Variants in GALNTL6 observed in about 807,000 individuals in gnomAD.
GALNTL6 encodes the protein polypeptide N-acetylgalactosaminyltransferase-like 6.
A neutral mutation model predicts 73.7 loss-of-function variants in GALNTL6; 46 were observed. That is an observed-to-expected ratio of 0.62 (90% CI 0.49 to 0.80). The LOEUF is 0.80. Among genes scored for constraint, GALNTL6 ranks in the 30% least tolerant of loss-of-function variants. GALNTL6 has a pLI of 0.00. For synonymous variants in GALNTL6, 259 were observed against 263.7 expected (o/e 0.98, Z 0.17); for missense variants, 604 against 755.0 (o/e 0.80, Z 2.34).
At chr4:172,523,368 C>CTATT (rs1164823751) in intron 5 of GALNTL6, among the ~76,000 whole-genome samples, 25 of 151,984 alleles carry the variant, frequency 1.6e-4, no homozygotes, top group Non-Finnish European at 2.9e-4. Flanking sequence ...CTTTATTTAT[C>CTATT]TATTTATTTA....
chr4:172,941,075 G>A (rs1291690889), intron 9 of GALNTL6, among the ~76,000 whole-genome samples: 1 of 152,094 alleles, frequency 6.6e-6, no homozygotes, highest in Non-Finnish European at 1.5e-5. Context: ...CAACATTAAG[G>A]AATTTTGCTT....
chr4:172,005,129 A>AT (rs869086866), intron 2 of GALNTL6, among the ~76,000 whole-genome samples: 18 of 143,928 alleles, frequency 1.3e-4, no homozygotes, highest in African/African-American at 2.5e-4. Context: ...ATTTTATTTT[A>AT]TTTATTTATT....
intron 2 of GALNTL6, among the ~76,000 whole-genome samples, chr4:172,224,169 A>C (rs2110954723): frequency 6.6e-6 from 1 of 152,328 alleles, no homozygotes; most frequent in East Asian, 1.9e-4. Flanking sequence ...GTTTTGATAA[A>C]CCAAGGGCTT....
Position 172,308,350 on chromosome 4 carries a change from C to G in GALNTL6, c.248-3264C>G, listed in dbSNP as rs1422832525. Reference sequence around the variant, plus strand: ...TGTTGTCTGATTGTCCTGGCTAGGACTTCCAGGACTATGTTGAAAAGAAGT... The same window carrying G: ...TGTTGTCTGATTGTCCTGGCTAGGAGTTCCAGGACTATGTTGAAAAGAAGT... On this transcript the variant is annotated intron_variant, in intron 3 of 12. Transcript: ENST00000506823. Among the ~76,000 whole-genome samples, 4 of 152,054 alleles carry G rather than the reference C, an allele frequency of 2.6e-5. No individual in the cohort carries two copies. The East Asian group carries it at 7.8e-4, about 30-fold the overall frequency.
At chr4:172,309,660 T>C (rs1431710356) in intron 3 of GALNTL6, among the ~76,000 whole-genome samples, 1 of 152,054 alleles carries the variant, frequency 6.6e-6, no homozygotes, top group African/African-American at 2.4e-5. Flanking sequence ...TAAGAAATCA[T>C]GAGTTATGAA....
At chr4:172,571,277 C>T (rs546128763) in intron 5 of GALNTL6, among the ~76,000 whole-genome samples, 2 of 152,252 alleles carry the variant, frequency 1.3e-5, no homozygotes, top group East Asian at 1.9e-4. Flanking sequence ...GAACATTATT[C>T]GTGTATTAAT....
At chr4:172,200,375 T>A (rs13150099) in intron 2 of GALNTL6, among the ~76,000 whole-genome samples, 1 of 152,230 alleles carries the variant, frequency 6.6e-6, no homozygotes, top group Admixed American at 6.5e-5. Context: ...GAAATTCGAT[T>A]ACCTTGAATC....
At chr4:171,873,998 C>T (rs1320534630) in intron 2 of GALNTL6, among the ~76,000 whole-genome samples, 2 of 152,120 alleles carry the variant, frequency 1.3e-5, no homozygotes, top group Non-Finnish European at 2.9e-5. Context: ...AACCTGGAAC[C>T]AGGTGTTGAA....
intron 5 of GALNTL6, among the ~76,000 whole-genome samples, chr4:172,492,682 C>G (rs1733938621): frequency 6.6e-6 from 1 of 152,082 alleles, no homozygotes; most frequent in Admixed American, 6.6e-5. Flanking sequence ...GGGAAAACTA[C>G]TTAACTGGCC....
chr4:172,554,567 G>A (rs1294108103), intron 5 of GALNTL6, among the ~76,000 whole-genome samples: 1 of 152,122 alleles, frequency 6.6e-6, no homozygotes, highest in Non-Finnish European at 1.5e-5. Flanking sequence ...TAGCTACCAT[G>A]AGGCCCTACT....
At chr4:172,760,126 G>A (rs2110819986) in intron 5 of GALNTL6, among the ~76,000 whole-genome samples, 1 of 151,748 alleles carries the variant, frequency 6.6e-6, no homozygotes. Context: ...GTGAGCCACC[G>A]CGCCCGGCCA....
intron 2 of GALNTL6, among the ~76,000 whole-genome samples, chr4:171,885,683 G>A (rs973480623): frequency 6.6e-6 from 1 of 151,978 alleles, no homozygotes; most frequent in Admixed American, 6.6e-5. Context: ...GCACACACCT[G>A]TGTTCCCAGC....
intron 5 of GALNTL6, among the ~76,000 whole-genome samples, chr4:172,597,050 C>T (rs1175491846): frequency 6.6e-6 from 1 of 152,006 alleles, no homozygotes; most frequent in African/African-American, 2.4e-5. Flanking sequence ...ATGAAAACTC[C>T]AAAAATTAAT....
At chr4:172,645,094 A>T (rs962413518) in intron 5 of GALNTL6, among the ~76,000 whole-genome samples, 1 of 152,028 alleles carries the variant, frequency 6.6e-6, no homozygotes, top group Non-Finnish European at 1.5e-5. Context: ...TCTAGACAGA[A>T]GTCCAGTCCT....
chr4:172,682,893 A>G (rs1362758614), intron 5 of GALNTL6, among the ~76,000 whole-genome samples: 2 of 149,212 alleles, frequency 1.3e-5, no homozygotes, highest in Admixed American at 1.4e-4. Flanking sequence ...TTGTGCACTA[A>G]ATACTGTACA....
At chr4:172,254,073 G>A (rs1398136137) in intron 3 of GALNTL6, among the ~76,000 whole-genome samples, 2 of 151,766 alleles carry the variant, frequency 1.3e-5, no homozygotes, top group Non-Finnish European at 3.0e-5. Context: ...CAGGTTAATC[G>A]AAGAATCTTA....
chr4:172,066,914 A>G (rs949338438), intron 2 of GALNTL6, among the ~76,000 whole-genome samples: 2 of 152,110 alleles, frequency 1.3e-5, no homozygotes, highest in African/African-American at 4.8e-5. Context: ...CATGCTTCAC[A>G]GAGAAAAGAC....
chr4:172,341,890 G>C (rs1044501198), intron 4 of GALNTL6, among the ~76,000 whole-genome samples: 1 of 151,952 alleles, frequency 6.6e-6, no homozygotes, highest in African/African-American at 2.4e-5. Flanking sequence ...AGGTAAATAT[G>C]GTCCTTATTA....
intron 2 of GALNTL6, among the ~76,000 whole-genome samples, chr4:172,177,045 C>T (rs56009226): frequency 0.022 from 3,418 of 151,912 alleles, 45 homozygotes; most frequent in Non-Finnish European, 0.032. Context: ...ATCCAGACAC[C>T]CCAGGTTAGA....
Sources: gnomAD v4.1 joint callset for allele counts (sites outside exome capture counted in the v4.1 genomes callset) on GRCh38, gnomAD v4.1.1 for gene constraint, MANE v1.5 for transcripts, NCBI Gene and HGNC (gene_info 2026-07-23, HGNC 2026-07-21) for gene names.